Variants in PCDHGB1 observed in about 807,000 individuals in gnomAD.
PCDHGB1 encodes protocadherin gamma-B1.
PCDHGB1 carries 34 observed loss-of-function variants against 56.6 expected under a neutral mutation model. The ratio of observed to expected loss-of-function variants is 0.60; its 90% CI spans 0.46 to 0.80. The LOEUF is 0.80. Among genes scored for constraint, PCDHGB1 ranks in the 30% least tolerant of loss-of-function variants. PCDHGB1 has a pLI of 0.00. For synonymous variants in PCDHGB1, 561 were observed against 505.9 expected, an observed-to-expected ratio of 1.11 and a Z score of -1.46; for missense variants, 1,278 against 1,204.6, an observed-to-expected ratio of 1.06 and a Z score of -0.90.
At chr5:141,388,464 A>G (rs750047903) in intron 1 of PCDHGB1, 2 of 1,613,850 alleles carry the variant, frequency 1.2e-6, no homozygotes, top group South Asian at 2.2e-5. Flanking sequence ...ATACCCTGAG[A>G]TGGTATTGAA....
chr5:141,388,256 G>T, intron 1 of PCDHGB1: 1 of 1,611,074 alleles, frequency 6.2e-7, no homozygotes, highest in Non-Finnish European at 8.5e-7. Flanking sequence ...TGGAGATCGA[G>T]GACATTAATG....
intron 1 of PCDHGB1, chr5:141,399,375 C>T (rs548275013): frequency 1.9e-6 from 3 of 1,614,016 alleles, no homozygotes; most frequent in South Asian, 2.2e-5. Flanking sequence ...AGTACAATGT[C>T]ACCATCACAG....
rs200109132 is a variant in PCDHGB1 at position 141,365,789 on chromosome 5, G to T, written c.2409+13120G>T. The T allele has an allele frequency of 1.4e-3, 2,225 of 1,613,896 alleles. 4 individuals carry two copies. Among genetic ancestry groups the T allele is most frequent in the Non-Finnish European group, 1.6e-3 (1,930 of 1,179,890 alleles). On this transcript the variant is annotated intron_variant, in intron 1 of 3. Transcript: ENST00000523390. ...CCCCGACAGCGGCGACAACGCTCGA[G>T]TCACCTACTCCCTGGCTGAAGACAC...
intron 1 of PCDHGB1, chr5:141,421,335 G>A (rs2096564985): frequency 1.2e-6 from 2 of 1,613,944 alleles, no homozygotes; most frequent in Non-Finnish European, 8.5e-7. Context: ...GATATTCGGT[G>A]CCAGAAGAGA....
At chr5:141,488,991 T>G in intron 1 of PCDHGB1, 1 of 414,332 alleles carries the variant, frequency 2.4e-6, no homozygotes, top group Non-Finnish European at 4.3e-6. Flanking sequence ...AGAGCTGAGG[T>G]GGGAGATCTG....
At chr5:141,461,007 A>G (rs965754689) in intron 1 of PCDHGB1, among the ~76,000 whole-genome samples, 1 of 151,418 alleles carries the variant, frequency 6.6e-6, no homozygotes, top group Non-Finnish European at 1.5e-5. Flanking sequence ...GTGTATATAT[A>G]TATACCACAT....
chr5:141,357,132 G>A, intron 1 of PCDHGB1: 1 of 1,613,550 alleles, frequency 6.2e-7, no homozygotes. Flanking sequence ...GGCTTGTAGT[G>A]GTCGTCCAGG....
intron 1 of PCDHGB1, chr5:141,409,940 C>T (rs1368587420): frequency 1.2e-5 from 19 of 1,613,118 alleles, no homozygotes; most frequent in Non-Finnish European, 1.6e-5. Context: ...TATGGTACCT[C>T]GCTCTGCAGA....
rs1222348421 is a variant in PCDHGB1, at chr5:141,511,044, C to T, written c.2655C>T (p.Asp885=). 1 of 1,614,128 alleles carries T rather than the reference C, an allele frequency of 6.2e-7. No homozygotes were observed. The highest frequency in any genetic ancestry group is 1.3e-5 in the African/African-American group (1 of 74,940). ...GPQFTLQHVP[D]YRQNVYIPGS... is the part of the protein sequence containing the mutation. ...AGTTCACCCTGCAGCACGTGCCCGA[C>T]TACCGCCAGAATGTCTACATCCCAG... The change falls in exon 4 of 4, where the codon GAC becomes GAT. Residue 885 remains aspartate, a synonymous_variant. Coordinates refer to ENST00000523390, the MANE Select transcript of PCDHGB1 (RefSeq NM_018922.3).
At chr5:141,393,388 C>G (rs775991086) in intron 1 of PCDHGB1, 7 of 1,613,992 alleles carry the variant, frequency 4.3e-6, no homozygotes, top group Non-Finnish European at 5.9e-6. Context: ...GCCATAAACC[C>G]AGAGCTGGTG....
At position 141,355,454 on chromosome 5, in the gene PCDHGB1, T is replaced by C. The variant is rs747114366; in HGVS notation, c.2409+2785T>C. ...CTGAACCCGCGCAGCGGCACCTTGGTCACCGCGGGTAGGATAGACAGGGAG... is the reference window on the plus strand; with the variant it reads ...CTGAACCCGCGCAGCGGCACCTTGGCCACCGCGGGTAGGATAGACAGGGAG... On this transcript the variant is annotated intron_variant, in intron 1 of 3. Transcript: ENST00000523390. 62 of 1,614,066 alleles carry C rather than the reference T, an allele frequency of 3.8e-5. No homozygotes were observed. Among genetic ancestry groups the C allele is most frequent in the Non-Finnish European group, 4.7e-5 (55 of 1,179,914 alleles).
At chr5:141,492,933 A>G (rs935580560) in intron 1 of PCDHGB1, among the ~76,000 whole-genome samples, 3 of 152,194 alleles carry the variant, frequency 2.0e-5, no homozygotes, top group Admixed American at 6.5e-5. Flanking sequence ...CTAGGGTCAG[A>G]GATTTGGAGG....
chr5:141,393,232 T>TA lies in PCDHGB1; in HGVS notation c.2409+40568dup, dbSNP rs774547937. On this transcript the variant is annotated intron_variant, in intron 1 of 3. Coordinates refer to ENST00000523390, the MANE Select transcript of PCDHGB1 (RefSeq NM_018922.3). The stretch of plus-strand genomic sequence containing the variant: ...AAATTCCAGGTCGAAGATCTAGAAG[T>TA]AAAAATTAACGAAATCGCGGTTCCT... The TA allele has an allele frequency of 5.6e-6, 9 of 1,613,542 alleles. No homozygotes were observed. The African/African-American group carries it at 1.2e-4, about 22-fold the overall frequency.
intron 1 of PCDHGB1, chr5:141,365,094 T>C: frequency 2.5e-6 from 4 of 1,613,786 alleles, no homozygotes; most frequent in East Asian, 2.2e-5. Context: ...CCAGAGAACA[T>C]ACCTGTGGGC....
chr5:141,422,800 C>T, intron 1 of PCDHGB1: 1 of 1,614,214 alleles, frequency 6.2e-7, no homozygotes, highest in Non-Finnish European at 8.5e-7. Context: ...CGACTATGAG[C>T]AGTTTCGAGA....
chr5:141,479,000 T>C (rs2099485433), intron 1 of PCDHGB1, among the ~76,000 whole-genome samples: 1 of 152,244 alleles, frequency 6.6e-6, no homozygotes, highest in Non-Finnish European at 1.5e-5. Flanking sequence ...TTAAAACTAA[T>C]AGCTTTTTGA....
Position 141,394,674 on chromosome 5 carries a change from C to A in PCDHGB1, c.2409+42005C>A, listed in dbSNP as rs1236446796. ...CGAGCCGGGACTCTTCTCGGTGGGT[C>A]TGCACACGGGCGAGGTGCGCACGGC... On this transcript the variant is annotated intron_variant, in intron 1 of 3. Coordinates refer to ENST00000523390, the MANE Select transcript of PCDHGB1 (RefSeq NM_018922.3). 5.0e-6 allele frequency: 8 copies of A among 1,612,640 alleles called. No homozygotes were observed. The highest frequency in any genetic ancestry group is 6.8e-6 in the Non-Finnish European group (8 of 1,179,760).
At position 141,486,209 on chromosome 5, in the gene PCDHGB1, A is replaced by C. The variant is rs749965379; in HGVS notation, c.2410-8598A>C. On this transcript the variant is annotated intron_variant, in intron 1 of 3. Transcript: ENST00000523390. The surrounding 1 kb of genome is among the most constrained non-coding windows in gnomAD (Gnocchi z 5.0). ...AGTGGATCTGCTGGACGTAAATGAC[A>C]ATGCCCCTTACATCACAGTGACCTC... 1 of 1,614,080 alleles carries C rather than the reference A, an allele frequency of 6.2e-7. No homozygotes were observed. Among genetic ancestry groups the C allele is most frequent in the South Asian group, 1.1e-5 (1 of 91,078 alleles).
chr5:141,500,986 A>G (rs1223940696), intron 2 of PCDHGB1, among the ~76,000 whole-genome samples: 1 of 151,656 alleles, frequency 6.6e-6, no homozygotes, highest in East Asian at 1.9e-4. Flanking sequence ...CTCCTGCCTC[A>G]GCCTCCTGAG....
Sources: gnomAD v4.1 joint callset for allele counts (sites outside exome capture counted in the v4.1 genomes callset) on GRCh38, gnomAD v4.1.1 for gene constraint, Gnocchi (gnomAD v3.1) non-coding constraint, MANE v1.5 for transcripts, NCBI Gene and HGNC (gene_info 2026-07-23, HGNC 2026-07-21) for gene names.